Variants in NUP58 observed in about 807,000 individuals in gnomAD.
NUP58 encodes the protein nucleoporin p58/p45.
In NUP58, 17 loss-of-function variants were observed where a neutral mutation model predicts 70.1. The observed-to-expected ratio is 0.24, with a 90% CI of 0.17 to 0.36. NUP58 has a LOEUF of 0.36. Ranked by LOEUF, NUP58 falls within the 10% of genes least tolerant of loss-of-function variation. The probability of loss-of-function intolerance (pLI) is 1.00; values close to 1 mark genes in which losing one functional copy is unlikely to be tolerated. For missense variants in NUP58, 644 were observed against 701.5 expected, an observed-to-expected ratio of 0.92 and a Z score of 0.93; for synonymous variants, 275 against 257.6, an observed-to-expected ratio of 1.07 and a Z score of -0.65.
chr13:25,308,943 G>C (rs1423014309), intron 2 of NUP58, among the ~76,000 whole-genome samples: 1 of 152,310 alleles, frequency 6.6e-6, no homozygotes, highest in East Asian at 1.9e-4. Flanking sequence ...AGCTGCTTGA[G>C]ACAGCTCAGT....
downstream of NUP58, among the ~76,000 whole-genome samples, chr13:25,346,233 C>T (rs757284231): frequency 5.3e-5 from 8 of 152,124 alleles, no homozygotes; most frequent in Non-Finnish European, 1.0e-4. Flanking sequence ...TCATTTAGTC[C>T]TCAATCCCGT....
In NUP58 at chr13:25,341,785, C is replaced by T. The variant is rs2031964859; in HGVS notation, c.*1651C>T. ...CAGATAGGATGTGAACATGGAATTT[C>T]ATTGAAAATAGTTTAATTTTTTATA... On this transcript the variant is annotated 3_prime_UTR_variant, in exon 16 of 16. Coordinates refer to ENST00000381736, the MANE Select transcript of NUP58 (RefSeq NM_014089.4). 1 of 152,602 alleles carries T rather than the reference C, an allele frequency of 6.6e-6. No individual in the cohort carries two copies. Among genetic ancestry groups the T allele is most frequent in the Non-Finnish European group, 1.5e-5 (1 of 68,020 alleles). The allele number at this position is 152,602 out of a possible 1,614,324, so 9.5% of individuals were successfully genotyped here. A position where few individuals can be genotyped will look rare whatever the true frequency, so the allele number is the denominator to read the frequency against.
At chr13:25,339,032 C>A (rs1244597888) in intron 15 of NUP58, among the ~76,000 whole-genome samples, 2 of 150,922 alleles carry the variant, frequency 1.3e-5, no homozygotes, top group Non-Finnish European at 2.9e-5. Flanking sequence ...TAATTTTCTT[C>A]ATTATTACAA....
intron 13 of NUP58, chr13:25,333,951 GC>G: frequency 7.1e-6 from 7 of 985,364 alleles, no homozygotes; most frequent in Non-Finnish European, 8.4e-6. Context: ...AGAGCAAATA[GC>G]TTCTTAGACT....
intron 13 of NUP58, chr13:25,333,858 G>T: frequency 2.0e-6 from 2 of 985,276 alleles, no homozygotes; most frequent in African/African-American, 3.5e-5. Flanking sequence ...ATACATCACT[G>T]TTGATCTATA....
intron 1 of NUP58, 65 bp from the exon 2 acceptor site, chr13:25,307,741 A>T (rs1440717096): frequency 1.4e-4 from 206 of 1,476,042 alleles, no homozygotes; most frequent in Non-Finnish European, 1.8e-5. Context: ...TTAAGTAAAT[A>T]TTGGCTCTAG....
intron 13 of NUP58, chr13:25,332,481 A>G (rs2031642566): frequency 2.0e-6 from 2 of 983,958 alleles, no homozygotes; most frequent in South Asian, 4.7e-5. Context: ...TTACTATTCA[A>G]TAGCATGTGT....
At chr13:25,337,952 T>C (rs2031842003) in intron 14 of NUP58, among the ~76,000 whole-genome samples, 2 of 152,176 alleles carry the variant, frequency 1.3e-5, no homozygotes, top group South Asian at 4.1e-4. Flanking sequence ...GAGTGGAAAC[T>C]AGTCTTCAAG....
intron 1 of NUP58, among the ~76,000 whole-genome samples, chr13:25,305,217 C>A (rs371967547): frequency 6.8e-6 from 1 of 146,288 alleles, no homozygotes; most frequent in Non-Finnish European, 1.5e-5. Context: ...AATCTCAGCC[C>A]GCTACAACCT....
At chr13:25,338,148 A>C (rs1304034513) in intron 14 of NUP58, among the ~76,000 whole-genome samples, 2 of 152,328 alleles carry the variant, frequency 1.3e-5, no homozygotes, top group East Asian at 3.9e-4. Context: ...GTAGTTATGC[A>C]GAGTTTTTCA....
downstream of NUP58, among the ~76,000 whole-genome samples, chr13:25,346,036 C>T (rs1193184947): frequency 6.6e-6 from 1 of 152,184 alleles, no homozygotes; most frequent in African/African-American, 2.4e-5. Flanking sequence ...TTGTCATCAC[C>T]ACCCCTCTTT....
chr13:25,328,030 C>T (rs574815079), intron 12 of NUP58, among the ~76,000 whole-genome samples: 2 of 152,088 alleles, frequency 1.3e-5, no homozygotes, highest in African/African-American at 4.8e-5. Flanking sequence ...GAAACCCCGT[C>T]TCTACTAAAA....
At position 25,312,918 on chromosome 13, in the gene NUP58, T is replaced by C. The variant is rs1299295847; in HGVS notation, c.322T>C (p.Phe108Leu). Residue 108 changes from phenylalanine (F) to leucine (L), a missense_variant, in exon 4 of 16, where the codon TTC (phenylalanine) becomes CTC (leucine). By Grantham distance (22) the Phe-to-Leu change is conservative (BLOSUM62 0). This residue lies in a region of NUP58 where 430 missense variants were observed against 409.2 expected (regional missense o/e 1.05). Coordinates refer to ENST00000381736, the MANE Select transcript of NUP58 (RefSeq NM_014089.4). ...CACTACATCTGCAGCTACAACAGGC[T>C]TCAGTTTAGGATTCAATAAACCTGC... ...PATTSAATTG[F>L]SLGFNKPAAS... The C allele has an allele frequency of 6.2e-7, 1 of 1,613,870 alleles. No individual in the cohort carries two copies. Among genetic ancestry groups the C allele is most frequent in the Admixed American group, 1.7e-5 (1 of 59,988 alleles).
In NUP58 at chr13:25,307,894, G is replaced by A. The variant is rs201020552; in HGVS notation, c.196G>A (p.Gly66Arg). ...TGCTCCTTCAAGTGGTTTTGGAACC[G>A]GGCTCTTTGGATCTAAACCTGCCAC... ...TSAPSSGFGT[G>R]LFGSKPATGF... Residue 66 changes from glycine (G) to arginine (R), a missense_variant, in exon 2 of 16, where the codon GGG becomes AGG. By Grantham distance (125) the Gly-to-Arg change is moderately radical. Transcript: ENST00000381736. The A allele has an allele frequency of 1.2e-5, 19 of 1,613,964 alleles. No homozygotes were observed. The highest frequency in any genetic ancestry group is 1.6e-5 in the Non-Finnish European group (19 of 1,180,020).
At position 25,340,418 on chromosome 13, in the gene NUP58, T is replaced by A; in HGVS notation, c.*284T>A. On this transcript the variant is annotated 3_prime_UTR_variant, in exon 16 of 16. Transcript: ENST00000381736. ...TGGTTAGAAACCATTAACCTAAAAC[T>A]TACTATTTAACCTAGTGTTTTTGTT... 4.0e-6 allele frequency: 1 copy of A among 247,744 alleles called. No homozygotes were observed. The highest frequency in any genetic ancestry group is 9.0e-5 in the East Asian group (1 of 11,164). 15.3% of individuals were successfully genotyped at this position (247,744 alleles called of 1,614,324 possible).
downstream of NUP58, among the ~76,000 whole-genome samples, chr13:25,343,885 A>G (rs910780298): frequency 8.6e-5 from 7 of 81,012 alleles, no homozygotes; most frequent in African/African-American, 3.2e-4. Context: ...CACACCAACT[A>G]TTCTCTGGAT....
chr13:25,304,304 T>A (rs1185644814), intron 1 of NUP58, among the ~76,000 whole-genome samples: 1 of 151,870 alleles, frequency 6.6e-6, no homozygotes, highest in Non-Finnish European at 1.5e-5. Context: ...AGGCAATAAT[T>A]GGTCAAGTTT....
chr13:25,302,993 C>T (rs1303015887), intron 1 of NUP58: 2 of 456,708 alleles, frequency 4.4e-6, no homozygotes, highest in Non-Finnish European at 4.4e-6. Flanking sequence ...TTCCCATGTG[C>T]AAGGCTCTGT....
intron 13 of NUP58, chr13:25,333,504 C>A (rs1400351071): frequency 8.1e-6 from 8 of 985,202 alleles, no homozygotes; most frequent in Non-Finnish European, 9.6e-6. Context: ...ACCTAAACAA[C>A]CTTACAGTGT....
Sources: allele counts gnomAD v4.1 joint callset (sites outside exome capture counted in the v4.1 genomes callset), GRCh38; gene constraint gnomAD v4.1.1; regional missense constraint gnomAD v4.1.1; transcripts MANE v1.5; gene names NCBI Gene and HGNC (gene_info 2026-07-23, HGNC 2026-07-21).